MAPKAP1: variants seen among roughly 807,000 people sequenced by gnomAD.
MAPKAP1 encodes the protein MAPK associated protein 1, also known as target of rapamycin complex 2 subunit MAPKAP1.
MAPKAP1 carries 20 observed loss-of-function variants against 65.7 expected under a neutral mutation model. The observed-to-expected ratio is 0.30, with a 90% CI of 0.21 to 0.44. MAPKAP1 has a LOEUF of 0.44. MAPKAP1 is among the 20% of genes least tolerant of loss of function. The probability of loss-of-function intolerance (pLI) is 1.00; values close to 1 mark genes in which losing one functional copy is unlikely to be tolerated. For missense variants in MAPKAP1, 423 were observed against 648.0 expected, an observed-to-expected ratio of 0.65 and a Z score of 3.77; for synonymous variants, 222 against 244.3, an observed-to-expected ratio of 0.91 and a Z score of 0.85.
At chr9:125,621,687 C>T (rs537941027) in intron 4 of MAPKAP1, among the ~76,000 whole-genome samples, 2 of 152,196 alleles carry the variant, frequency 1.3e-5, no homozygotes, top group South Asian at 2.1e-4. Context: ...CTCTACCTAA[C>T]TGAAGGCTGC....
intron 9 of MAPKAP1, among the ~76,000 whole-genome samples, chr9:125,470,031 T>C (rs1277778818): frequency 6.6e-6 from 1 of 152,098 alleles, no homozygotes; most frequent in Non-Finnish European, 1.5e-5. Flanking sequence ...TATGTGAAAA[T>C]AAACCGTGCT....
At chr9:125,697,245 C>A (rs1186861922) in intron 1 of MAPKAP1, among the ~76,000 whole-genome samples, 1 of 152,218 alleles carries the variant, frequency 6.6e-6, no homozygotes, top group East Asian at 1.9e-4. Context: ...AATCCATTTA[C>A]AACTTCACAA....
At position 125,437,645 on chromosome 9, in the gene MAPKAP1, C is replaced by T. The variant is rs1852338437; in HGVS notation, c.*1242G>A. On this transcript the variant is annotated 3_prime_UTR_variant, in exon 12 of 12. Coordinates refer to ENST00000265960, the MANE Select transcript of MAPKAP1 (RefSeq NM_001006617.3). ...GAAAGAAGAATTCATCAGCATGACC[C>T]CTTGTGCAAAGAAATACACTCAGCT... 1 of 152,544 alleles carries T rather than the reference C, an allele frequency of 6.6e-6. No homozygotes were observed. Among genetic ancestry groups the T allele is most frequent in the African/African-American group, 2.4e-5 (1 of 41,424 alleles). 9.4% of individuals were successfully genotyped at this position (152,544 alleles called of 1,614,324 possible). A position where few individuals can be genotyped will look rare whatever the true frequency, so the allele number is the denominator to read the frequency against.
At chr9:125,511,306 C>T (rs111373962) in intron 7 of MAPKAP1, among the ~76,000 whole-genome samples, 2,202 of 152,188 alleles carry the variant, frequency 0.014, 18 homozygotes, top group South Asian at 0.04. Flanking sequence ...CTTTTATGTA[C>T]AGATCATCTC....
rs570181378 is a variant in MAPKAP1, at chr9:125,542,432, T to C, written c.958+627A>G. Among the ~76,000 whole-genome samples the C allele has an allele frequency of 7.9e-5, 12 of 152,368 alleles. 1 individual carries two copies. Among genetic ancestry groups the C allele is most frequent in the Admixed American group, 5.2e-4 (8 of 15,308 alleles). On this transcript the variant is annotated intron_variant, in intron 7 of 11. Coordinates refer to ENST00000265960, the MANE Select transcript of MAPKAP1 (RefSeq NM_001006617.3). ...ATTTATATTAAAGTTGTCTGTGATA[T>C]GACAAATCTTTGAGCTATTTCTCAA...
intron 3 of MAPKAP1, among the ~76,000 whole-genome samples, chr9:125,665,170 T>C (rs1459949638): frequency 2.0e-5 from 3 of 152,026 alleles, no homozygotes; most frequent in Admixed American, 6.6e-5. Flanking sequence ...TAGCCAAGCA[T>C]GGTGGCACAC....
At chr9:125,683,596 A>T (rs950184372) in intron 1 of MAPKAP1, among the ~76,000 whole-genome samples, 1 of 152,104 alleles carries the variant, frequency 6.6e-6, no homozygotes, top group Non-Finnish European at 1.5e-5. Context: ...CCACTACCCA[A>T]CCTGAGAGAG....
At chr9:125,504,897 A>T (rs1829093091) in intron 8 of MAPKAP1, among the ~76,000 whole-genome samples, 1 of 152,174 alleles carries the variant, frequency 6.6e-6, no homozygotes, top group Non-Finnish European at 1.5e-5. Flanking sequence ...TCTACCATTC[A>T]TTCACTCATT....
At chr9:125,504,691 G>A (rs7860137) in intron 8 of MAPKAP1, among the ~76,000 whole-genome samples, 18,105 of 152,124 alleles carry the variant, frequency 0.12, 2,338 homozygotes, top group African/African-American at 0.33. Context: ...TACTTGGGAG[G>A]CTGACACATG....
At chr9:125,475,363 A>G (rs78144162) in intron 9 of MAPKAP1, among the ~76,000 whole-genome samples, 113 of 152,332 alleles carry the variant, frequency 7.4e-4, no homozygotes, top group Middle Eastern at 3.4e-3. Context: ...GTCACAACTA[A>G]AATGAAACCC....
At chr9:125,526,771 T>C (rs1829781071) in intron 7 of MAPKAP1, among the ~76,000 whole-genome samples, 1 of 146,562 alleles carries the variant, frequency 6.8e-6, no homozygotes. Context: ...TATATAGTTT[T>C]CTTTTTTCTT....
At chr9:125,575,816 C>T (rs560642185) in intron 5 of MAPKAP1, among the ~76,000 whole-genome samples, 2 of 152,276 alleles carry the variant, frequency 1.3e-5, no homozygotes, top group African/African-American at 4.8e-5. Context: ...ATAGGCTTAC[C>T]ATACAATTTG....
At position 125,672,309 on chromosome 9, in the gene MAPKAP1, T is replaced by C. The variant is rs1375840711; in HGVS notation, c.259+7A>G. ...CTCAGAAGACATGACTAGAACACAA[T>C]GTTTACCTGTGTTTGAGCGTCTTCT... On this transcript the variant is annotated splice_region_variant and intron_variant, in intron 2 of 11. Transcript: ENST00000265960. The C allele has an allele frequency of 7.4e-6, 12 of 1,613,546 alleles. No individual in the cohort carries two copies. Among genetic ancestry groups the C allele is most frequent in the Non-Finnish European group, 1.0e-5 (12 of 1,179,662 alleles).
At chr9:125,483,977 C>T (rs1854406828) in intron 9 of MAPKAP1, among the ~76,000 whole-genome samples, 1 of 152,154 alleles carries the variant, frequency 6.6e-6, no homozygotes, top group Admixed American at 6.5e-5. Flanking sequence ...ATAATTAGAA[C>T]AAATTAATCC....
chr9:125,438,262 C>G lies in MAPKAP1; in HGVS notation c.*625G>C. 1 of 397,350 alleles carries G rather than the reference C, an allele frequency of 2.5e-6. No homozygotes were observed. The allele number at this position is 397,350 out of a possible 1,614,324, so 24.6% of individuals were successfully genotyped here. A position where few individuals can be genotyped will look rare whatever the true frequency, so the allele number is the denominator to read the frequency against. On this transcript the variant is annotated 3_prime_UTR_variant, in exon 12 of 12. Transcript: ENST00000265960. ...TTGGACACACCACTAGGTCTCTGTT[C>G]CTAACTTTTAGTAAGACACTACCCT...
At chr9:125,634,858 A>G (rs1284403739) in intron 4 of MAPKAP1, among the ~76,000 whole-genome samples, 1 of 152,274 alleles carries the variant, frequency 6.6e-6, no homozygotes, top group Non-Finnish European at 1.5e-5. Context: ...AGTAGGTGAG[A>G]CTGTCCCCAT....
intron 1 of MAPKAP1, among the ~76,000 whole-genome samples, chr9:125,706,248 C>CT (rs1404664725): frequency 3.9e-5 from 6 of 151,910 alleles, no homozygotes; most frequent in Admixed American, 3.9e-4. Context: ...GAGAACGCTG[C>CT]TTTTTTTAAA....
chr9:125,598,341 T>C (rs759137617), intron 4 of MAPKAP1, among the ~76,000 whole-genome samples: 11 of 152,354 alleles, frequency 7.2e-5, no homozygotes, highest in Admixed American at 2.0e-4. Context: ...GTCAAATTAA[T>C]TTGTCAAAAA....
At chr9:125,554,794 C>CCAA (rs1491362972) in intron 6 of MAPKAP1, among the ~76,000 whole-genome samples, 1 of 65,630 alleles carries the variant, frequency 1.5e-5, no homozygotes, top group African/African-American at 6.4e-5. Context: ...AGACACTTAT[C>CCAA]AAAAAAAAAA....
Sources: allele counts gnomAD v4.1 joint callset (sites outside exome capture counted in the v4.1 genomes callset), GRCh38; gene constraint gnomAD v4.1.1; transcripts MANE v1.5; gene names NCBI Gene and HGNC (gene_info 2026-07-23, HGNC 2026-07-21).